The following LRGUK variants were observed in gnomAD, a reference collection of about 807,000 sequenced individuals.
The protein encoded by LRGUK is leucine-rich repeat and guanylate kinase domain-containing protein.
Under a neutral mutation model 76.0 loss-of-function variants are expected in LRGUK, and 65 were observed. The ratio of observed to expected loss-of-function variants is 0.85; its 90% confidence interval spans 0.70 to 1.05. The LOEUF is 1.05. Among genes scored for constraint, LRGUK ranks in the 50% least tolerant of loss-of-function variants. LRGUK has a pLI of 0.00. For missense variants in LRGUK, 758 were observed against 732.8 expected, an observed-to-expected ratio of 1.03 and a Z score of -0.40; for synonymous variants, 268 against 265.6, an observed-to-expected ratio of 1.01 and a Z score of -0.09.
At chr7:134,170,770 A>C (rs1219788130) in intron 7 of LRGUK, among the ~76,000 whole-genome samples, 1 of 152,208 alleles carries the variant, frequency 6.6e-6, no homozygotes, top group Non-Finnish European at 1.5e-5. Context: ...AACTCATTAT[A>C]TCCTCAGCCT....
intron 1 of LRGUK, among the ~76,000 whole-genome samples, chr7:134,129,930 T>C (rs969082588): frequency 2.6e-5 from 4 of 152,184 alleles, no homozygotes; most frequent in African/African-American, 9.7e-5. Context: ...ATTTGTCTTA[T>C]TTCTTCTTAT....
intron 16 of LRGUK, among the ~76,000 whole-genome samples, chr7:134,235,572 C>T (rs1801994120): frequency 6.6e-6 from 1 of 152,226 alleles, no homozygotes; most frequent in African/African-American, 2.4e-5. Context: ...GTATCACCCT[C>T]TAATGCATTA....
intron 18 of LRGUK, among the ~76,000 whole-genome samples, chr7:134,252,543 A>G (rs1802477302): frequency 1.3e-5 from 2 of 152,100 alleles, no homozygotes; most frequent in Non-Finnish European, 2.9e-5. Context: ...TCTAAGCAGA[A>G]TCCTTAGGGT....
intron 16 of LRGUK, among the ~76,000 whole-genome samples, chr7:134,241,364 C>T (rs566473494): frequency 1.3e-5 from 2 of 152,056 alleles, no homozygotes; most frequent in East Asian, 3.9e-4. Flanking sequence ...GAAGATCTAC[C>T]AAGCAAATGG....
intron 13 of LRGUK, among the ~76,000 whole-genome samples, chr7:134,197,913 T>TA (rs547635181): frequency 4.0e-4 from 61 of 151,280 alleles, no homozygotes; most frequent in Middle Eastern, 6.8e-3. Context: ...CTTTTGGAAT[T>TA]AAAAAAAAAG....
intron 15 of LRGUK, among the ~76,000 whole-genome samples, chr7:134,202,680 A>G (rs1800823719): frequency 6.6e-6 from 1 of 152,238 alleles, no homozygotes; most frequent in Admixed American, 6.5e-5. Context: ...TGCCAAATGA[A>G]ATGAGCCAGT....
intron 9 of LRGUK, among the ~76,000 whole-genome samples, chr7:134,178,219 T>C (rs1799569513): frequency 2.0e-5 from 3 of 152,086 alleles, no homozygotes; most frequent in Admixed American, 1.3e-4. Flanking sequence ...GGTTTTTTTG[T>C]GTGTGTTTTT....
intron 3 of LRGUK, among the ~76,000 whole-genome samples, chr7:134,140,037 C>A (rs1241031147): frequency 6.6e-6 from 1 of 152,136 alleles, no homozygotes; most frequent in Non-Finnish European, 1.5e-5. Context: ...GGCATGATCA[C>A]AACTCACTGC....
exon 13 of LRGUK, chr7:134,197,013 A>G (rs1163605284): frequency 3.8e-6 from 6 of 1,599,632 alleles, no homozygotes; most frequent in Admixed American, 3.4e-5. Flanking sequence ...TCTAACATTT[A>G]GTTATGGTAA....
intron 10 of LRGUK, among the ~76,000 whole-genome samples, chr7:134,179,198 C>T (rs528061646): frequency 6.6e-5 from 10 of 152,228 alleles, no homozygotes; most frequent in Middle Eastern, 3.4e-3. Context: ...TCGCCCAGCT[C>T]GGTGGAACAC....
rs537709908 is a variant in LRGUK, at chr7:134,195,863, T to C, written c.1432-1129T>C. On this transcript the variant is annotated intron_variant, in intron 12 of 15. Coordinates refer to ENST00000645682, the Ensembl canonical transcript of LRGUK. ...TGGAATATATAACATAAACTTCTTT[T>C]GATTATGGGGGATGTGGATCTTCCT... Among the ~76,000 whole-genome samples, 5 of 152,322 alleles carry C rather than the reference T, an allele frequency of 3.3e-5. No individual in the cohort carries two copies. The South Asian group carries it at 1.0e-3, about 32-fold the overall frequency.
At chr7:134,252,027 CTT>C in intron 18 of LRGUK, among the ~76,000 whole-genome samples, 2 of 152,168 alleles carry the variant, frequency 1.3e-5, no homozygotes, top group Middle Eastern at 6.8e-3. Context: ...TCCTAGGAGA[CTT>C]TGCTCTGTAT....
exon 16 of LRGUK, chr7:134,209,346 C>A (rs1801145077): frequency 2.5e-6 from 1 of 399,114 alleles, no homozygotes; most frequent in Admixed American, 4.4e-5. Context: ...CCAAAAGATT[C>A]TTCCCACACT....
chr7:134,267,425 G>T (rs1802874747), downstream of LRGUK, among the ~76,000 whole-genome samples: 1 of 152,150 alleles, frequency 6.6e-6, no homozygotes, highest in Admixed American at 6.5e-5. Flanking sequence ...AGGGTGAGGG[G>T]TGATATGGTT....
intron 4 of LRGUK, among the ~76,000 whole-genome samples, chr7:134,146,295 C>G (rs527438923): frequency 6.6e-6 from 1 of 151,846 alleles, no homozygotes; most frequent in Non-Finnish European, 1.5e-5. Context: ...AAACCTAATA[C>G]CATAGCTACA....
chr7:134,162,191 T>C (rs533038086), intron 6 of LRGUK, among the ~76,000 whole-genome samples: 2 of 152,276 alleles, frequency 1.3e-5, no homozygotes, highest in Admixed American at 1.3e-4. Context: ...AACTAACAAT[T>C]CTGCAATCTG....
intron 17 of LRGUK, 66 bp downstream of exon 17, chr7:134,247,710 C>A: frequency 1.6e-6 from 2 of 1,267,322 alleles, no homozygotes; most frequent in Non-Finnish European, 2.3e-6. Context: ...CAAATGAATC[C>A]TAAATCGTGA....
chr7:134,205,592 G>T (rs1243745733), intron 15 of LRGUK, among the ~76,000 whole-genome samples: 1 of 152,174 alleles, frequency 6.6e-6, no homozygotes, highest in Non-Finnish European at 1.5e-5. Flanking sequence ...TAATTGAGCT[G>T]TCAAAAGGAA....
At chr7:134,147,186 G>A (rs1164726698) in intron 4 of LRGUK, among the ~76,000 whole-genome samples, 1 of 152,118 alleles carries the variant, frequency 6.6e-6, no homozygotes, top group African/African-American at 2.4e-5. Flanking sequence ...GCCGAGACGG[G>A]TGGATCAGGA....
Sources: gnomAD v4.1 joint callset for allele counts (sites outside exome capture counted in the v4.1 genomes callset) on GRCh38, gnomAD v4.1.1 for gene constraint, MANE v1.5 for transcripts, NCBI Gene and HGNC (gene_info 2026-07-23, HGNC 2026-07-21) for gene names.